The following SYNE2 variants were observed in gnomAD, a reference collection of about 807,000 sequenced individuals.
SYNE2 encodes spectrin repeat containing nuclear envelope protein 2, also known as nesprin-2.
In SYNE2, 431 loss-of-function variants were observed where a neutral mutation model predicts 856.3. The ratio of observed to expected loss-of-function variants is 0.50; its 90% CI spans 0.47 to 0.55. The LOEUF (loss-of-function observed/expected upper bound fraction) is 0.55. Ranked by LOEUF, SYNE2 falls within the 20% of genes least tolerant of loss-of-function variation. The pLI, the probability that SYNE2 is intolerant of heterozygous loss-of-function variation, is 0.00. For missense variants in SYNE2, 8,129 were observed against 8,023.2 expected (o/e 1.01, Z -0.50); for synonymous variants, 2,923 against 2,872.3 (o/e 1.02, Z -0.56).
chr14:63,987,125 C>T (rs140092353), intron 19 of SYNE2, among the ~76,000 whole-genome samples: 30 of 152,192 alleles, frequency 2.0e-4, no homozygotes, highest in Non-Finnish European at 4.0e-4. Context: ...TGGTGGCGCG[C>T]ACGCCTGTAG....
chr14:63,799,354 C>A (rs925854618), intron 1 of SYNE2, among the ~76,000 whole-genome samples: 3 of 151,638 alleles, frequency 2.0e-5, no homozygotes, highest in African/African-American at 7.3e-5. Context: ...GCTGGGATTA[C>A]AGGCATGAGC....
At chr14:63,868,492 A>G (rs1896019099) in intron 1 of SYNE2, among the ~76,000 whole-genome samples, 1 of 152,032 alleles carries the variant, frequency 6.6e-6, no homozygotes, top group Non-Finnish European at 1.5e-5. Context: ...AAAAAAAGGA[A>G]GAACCCATAT....
chr14:64,123,252 C>T (rs1028146112), intron 70 of SYNE2, among the ~76,000 whole-genome samples: 7 of 152,200 alleles, frequency 4.6e-5, no homozygotes, highest in African/African-American at 1.2e-4. Flanking sequence ...TTATCACTGC[C>T]GTCACAGGCT....
chr14:64,123,681 T>G (rs560887614), intron 70 of SYNE2, among the ~76,000 whole-genome samples: 1 of 152,340 alleles, frequency 6.6e-6, no homozygotes, highest in South Asian at 2.1e-4. Context: ...TCATTCACCC[T>G]TCTGAAATCA....
At chr14:63,936,233 C>G (rs1411866002) in intron 2 of SYNE2, among the ~76,000 whole-genome samples, 1 of 152,154 alleles carries the variant, frequency 6.6e-6, no homozygotes, top group Non-Finnish European at 1.5e-5. Flanking sequence ...CCAAGCTTTT[C>G]TAGGCACTTG....
chr14:63,877,210 A>C (rs2094745145), intron 1 of SYNE2, among the ~76,000 whole-genome samples: 1 of 152,150 alleles, frequency 6.6e-6, no homozygotes, highest in African/African-American at 2.4e-5. Flanking sequence ...GAGAGACAAA[A>C]AGGTGCACCA....
intron 55 of SYNE2, 84 bp downstream of exon 55, chr14:64,078,690 C>A (rs2097491469): frequency 1.3e-6 from 2 of 1,515,014 alleles, no homozygotes; most frequent in South Asian, 2.3e-5. Flanking sequence ...AGGGTGAGTT[C>A]TTTGAATTAA....
At chr14:63,954,582 C>T (rs1595861424) in intron 7 of SYNE2, 137 bp from the exon 8 acceptor site, 2 of 714,908 alleles carry the variant, frequency 2.8e-6, no homozygotes, top group East Asian at 5.4e-5. Context: ...AATTTGGTCA[C>T]AAGATAAAAA....
rs35960129 is a variant in SYNE2, at chr14:64,052,335, C to G, written c.8422C>G (p.Leu2808Val). The change falls in exon 48 of 116, where the codon CTA (leucine) becomes GTA (valine). Residue 2808 changes from leucine (L) to valine (V), a missense_variant. This residue lies in a region of SYNE2 where 5,410 missense variants were observed against 5,284.8 expected (regional missense o/e 1.02). Transcript: ENST00000555002. ...TGAGGGCAGTGATTTAAATAATACC[C>G]TAGAGGACTTACGGAATCAATACCA... is the stretch of plus-strand genomic sequence containing the variant. ...TYEGSDLNNT[L>V]EDLRNQYQML... The G allele has an allele frequency of 1.9e-6, 3 of 1,614,132 alleles. No individual in the cohort carries two copies. The Admixed American group carries it at 5.0e-5, about 27-fold the overall frequency.
At chr14:63,994,782 C>T (rs973902402) in intron 22 of SYNE2, among the ~76,000 whole-genome samples, 1 of 152,056 alleles carries the variant, frequency 6.6e-6, no homozygotes, top group Admixed American at 6.6e-5. Flanking sequence ...CATAGTTTCC[C>T]TCAGTCTGTA....
At chr14:63,844,445 A>C (rs1405040822) in intron 1 of SYNE2, among the ~76,000 whole-genome samples, 1 of 152,240 alleles carries the variant, frequency 6.6e-6, no homozygotes, top group Admixed American at 6.5e-5. Context: ...GGTTGCTACC[A>C]AGTTTTGGCA....
chr14:63,966,437 C>T (rs1261269662), intron 10 of SYNE2, among the ~76,000 whole-genome samples: 1 of 151,920 alleles, frequency 6.6e-6, no homozygotes, highest in Non-Finnish European at 1.5e-5. Context: ...GTGGGAGGTT[C>T]ACTTGAGCCC....
chr14:64,191,695 G>C (rs978752187), intron 99 of SYNE2, among the ~76,000 whole-genome samples: 30 of 152,182 alleles, frequency 2.0e-4, no homozygotes, highest in Non-Finnish European at 8.8e-5. Flanking sequence ...TGGAGGGTTT[G>C]CTGAAGACAA....
Position 64,134,130 on chromosome 14 carries a change from C to CTTATATTCT in SYNE2, c.14577_14578insTATATTCTT (p.Ser4859_Thr4860insTyrIleLeu). 1 of 1,613,810 alleles carries CTTATATTCT rather than the reference C, an allele frequency of 6.2e-7. No homozygotes were observed. The highest frequency in any genetic ancestry group is 1.1e-5 in the South Asian group (1 of 91,072). On this transcript the variant is annotated inframe_insertion, in exon 78 of 116. Coordinates refer to ENST00000555002, the MANE Select transcript of SYNE2 (RefSeq NM_182914.3). The stretch of plus-strand genomic sequence containing the variant: ...GAAAAGGACCTGGAAATTCTTATAT[C>CTTATATTCT]TACATTGCCCTCTGTGAGTTTGGTG...
At chr14:63,868,923 T>C (rs1896155206) in intron 1 of SYNE2, among the ~76,000 whole-genome samples, 2 of 152,192 alleles carry the variant, frequency 1.3e-5, no homozygotes, top group Non-Finnish European at 2.9e-5. Context: ...GCCTCTCCAA[T>C]TGAACTAAAA....
At chr14:64,212,655 A>G (rs1394373460) in intron 104 of SYNE2, among the ~76,000 whole-genome samples, 156 bp from the exon 105 acceptor site, 4 of 152,238 alleles carry the variant, frequency 2.6e-5, no homozygotes, top group Non-Finnish European at 4.4e-5. Context: ...TTAAAATGTC[A>G]TTGTCACTTA....
At chr14:63,916,041 C>T (rs1035221221) in intron 2 of SYNE2, among the ~76,000 whole-genome samples, 2 of 150,454 alleles carry the variant, frequency 1.3e-5, no homozygotes, top group African/African-American at 5.0e-5. Context: ...TGGGCACCTT[C>T]AAGAAGCATG....
At chr14:63,769,166 C>T (rs1886798362) in intron 1 of SYNE2, among the ~76,000 whole-genome samples, 1 of 152,132 alleles carries the variant, frequency 6.6e-6, no homozygotes, top group Non-Finnish European at 1.5e-5. Context: ...AGGAAGTAAC[C>T]AGAGCGATGA....
chr14:64,024,262 C>A lies in SYNE2; in HGVS notation c.5643C>A (p.Phe1881Leu), dbSNP rs888990300. ...GACTTTTTGTCTTTCTGAAGGATTT[C>A]TTGACTCTTGAAGGAAGAAACAGTA... ...VEQKLQKLSDFLTLEGRNSKI... is the reference protein window; with the variant it reads ...VEQKLQKLSDLLTLEGRNSKI... Residue 1881 changes from phenylalanine (F) to leucine (L), a missense_variant, in exon 39 of 116, where the codon TTC becomes TTA. Coordinates refer to ENST00000555002, the MANE Select transcript of SYNE2 (RefSeq NM_182914.3). 1 of 1,613,856 alleles carries A rather than the reference C, an allele frequency of 6.2e-7. No homozygotes were observed. The highest frequency in any genetic ancestry group is 1.6e-4 in the Middle Eastern group (1 of 6,062).
Sources: gnomAD v4.1 joint callset for allele counts (sites outside exome capture counted in the v4.1 genomes callset) on GRCh38, gnomAD v4.1.1 for gene constraint, gnomAD v4.1.1 regional missense constraint, MANE v1.5 for transcripts, NCBI Gene and HGNC (gene_info 2026-07-23, HGNC 2026-07-21) for gene names.